STARD9: variants seen among roughly 807,000 people sequenced by gnomAD.
The protein encoded by STARD9 is StAR related lipid transfer domain containing 9.
Under a neutral mutation model 399.8 loss-of-function variants are expected in STARD9, and 346 were observed. The observed-to-expected ratio is 0.87, with a 90% CI of 0.79 to 0.95. STARD9 has a LOEUF of 0.95. STARD9 is among the 40% of genes least tolerant of loss of function. The pLI, the probability that STARD9 is intolerant of heterozygous loss-of-function variation, is 0.00. For missense variants in STARD9, 5,832 were observed against 5,667.5 expected, an observed-to-expected ratio of 1.03 and a Z score of -0.93; for synonymous variants, 2,203 against 2,143.5, an observed-to-expected ratio of 1.03 and a Z score of -0.77.
chr15:42,625,807 A>G (rs2059194915), intron 3 of STARD9, among the ~76,000 whole-genome samples: 1 of 152,064 alleles, frequency 6.6e-6, no homozygotes, highest in Non-Finnish European at 1.5e-5. Context: ...ATTTTGTTGA[A>G]TAACTAACCT....
chr15:42,576,370 C>G (rs1322857847), intron 1 of STARD9, among the ~76,000 whole-genome samples: 2 of 152,172 alleles, frequency 1.3e-5, no homozygotes, highest in African/African-American at 2.4e-5. Context: ...TATTTTGATT[C>G]CGCACCTCTC....
Position 42,682,404 on chromosome 15 carries a change from A to G in STARD9, c.2366A>G (p.Glu789Gly). ...CTGCTGGAGGCCCAGAAGAGACTGG[A>G]GAAGCTCACGACATTGTGCTGGCTC... ...QRLLEAQKRL[E>G]KLTTLCWLQD... Residue 789 changes from glutamate to glycine, a missense_variant, in exon 22 of 33, where the codon GAG (glutamate) becomes GGG (glycine). Transcript: ENST00000290607. 6.5e-7 allele frequency: 1 copy of G among 1,537,246 alleles called. No homozygotes were observed. The highest frequency in any genetic ancestry group is 8.7e-7 in the Non-Finnish European group (1 of 1,146,902).
intron 3 of STARD9, among the ~76,000 whole-genome samples, chr15:42,601,416 C>T (rs940301594): frequency 2.0e-5 from 3 of 151,602 alleles, no homozygotes; most frequent in Non-Finnish European, 4.4e-5. Flanking sequence ...GGCAGAGGGG[C>T]TCCTCACTTC....
At chr15:42,712,142 C>T (rs1342609703) in intron 26 of STARD9, among the ~76,000 whole-genome samples, 1 of 16,106 alleles carries the variant, frequency 6.2e-5, no homozygotes, top group Admixed American at 1.0e-3. Context: ...TGTGCCTTTG[C>T]CCATTTATAT....
rs1490779837 is a variant in STARD9, at chr15:42,685,210, A to G, written c.3632A>G (p.Glu1211Gly). Reference sequence around the variant, plus strand: ...TCCTTGGATAGCCTGATTGATGCAGAGGAAGAACTGGGGGAAGATCAGCAA... The same window carrying G: ...TCCTTGGATAGCCTGATTGATGCAGGGGAAGAACTGGGGGAAGATCAGCAA... ...SFSLDSLIDA[E>G]EELGEDQQEE... is the part of the protein sequence containing the mutation. Residue 1211 changes from glutamate (E) to glycine (G), a missense_variant, in exon 23 of 33, where the codon GAG becomes GGG. Transcript: ENST00000290607. 5.2e-6 allele frequency: 8 copies of G among 1,537,264 alleles called. No individual in the cohort carries two copies. The highest frequency in any genetic ancestry group is 2.7e-5 in the African/African-American group (2 of 73,166).
Position 42,682,545 on chromosome 15 carries a change from T to A in STARD9, c.2507T>A (p.Leu836His). The A allele has an allele frequency of 6.5e-7, 1 of 1,536,638 alleles. No homozygotes were observed. Among genetic ancestry groups the A allele is most frequent in the Non-Finnish European group, 8.7e-7 (1 of 1,146,550 alleles). ...TSCSSLSPQR[L>H]CSKHMPQLHS... is the part of the protein sequence containing the mutation. ...TGCAGTTCTTTGAGCCCCCAAAGAC[T>A]CTGCAGCAAGCACATGCCCCAGCTA... Residue 836 changes from leucine to histidine, a missense_variant, in exon 22 of 33, where the codon CTC becomes CAC. This residue lies in a region of STARD9 where 5,828 missense variants were observed against 5,651.1 expected (regional missense o/e 1.03). Coordinates refer to ENST00000290607, the MANE Select transcript of STARD9 (RefSeq NM_020759.3).
At chr15:42,582,986 A>G (rs955718475) in intron 1 of STARD9, among the ~76,000 whole-genome samples, 1 of 152,204 alleles carries the variant, frequency 6.6e-6, no homozygotes, top group Non-Finnish European at 1.5e-5. Flanking sequence ...AAGTTACATA[A>G]TTTCTCTCAG....
At chr15:42,652,699 AG>A in intron 9 of STARD9, 107 bp downstream of exon 9, 1 of 1,038,376 alleles carries the variant, frequency 9.6e-7, no homozygotes, top group Non-Finnish European at 1.4e-6. Flanking sequence ...TTTTTGAGAC[AG>A]GGTCTCAGTC....
Position 42,640,818 on chromosome 15 carries a change from C to CAAAAAAAAAAAAAAAAAAAAAAAAAAA in STARD9, c.559+2027_559+2028insAAAAAAAAAAAAAAAAAAAAAAAAAAA, listed in dbSNP as rs34006967. 2.4e-5 allele frequency among the ~76,000 whole-genome samples: 2 copies of CAAAAAAAAAAAAAAAAAAAAAAAAAAA among 83,620 alleles called. 1 individual carries two copies. The highest frequency in any genetic ancestry group is 4.2e-5 in the Non-Finnish European group (2 of 47,102). The allele number at this position is 83,620 out of a possible 152,430, so 54.9% of individuals were successfully genotyped here. A position where few individuals can be genotyped will look rare whatever the true frequency, so the allele number is the denominator to read the frequency against. On this transcript the variant is annotated intron_variant, in intron 7 of 32. Coordinates refer to ENST00000290607, the MANE Select transcript of STARD9 (RefSeq NM_020759.3). ...CTGGCAACAGAGCAAGACTCCGTCTCAAAAAAAAAAAAAAAAAAAAAGTCT... is the reference window on the plus strand; with the variant it reads ...CTGGCAACAGAGCAAGACTCCGTCTCAAAAAAAAAAAAAAAAAAAAAAAAAAAAAAAAAAAAAAAAAAAAAAAAGTCT...
rs2061420050 is a variant in STARD9, at chr15:42,719,827, G to A, written c.*253G>A. 3 of 417,198 alleles carry A rather than the reference G, an allele frequency of 7.2e-6. No homozygotes were observed. Among genetic ancestry groups the A allele is most frequent in the Non-Finnish European group, 1.3e-5 (3 of 234,138 alleles). The allele number at this position is 417,198 out of a possible 1,614,324, so 25.8% of individuals were successfully genotyped here. Reference sequence around the variant, plus strand: ...GACTATCCAGAGTGAATGCAGCTCCGCTCACCTTTTGGATTTCTCACCTTT... The same window carrying A: ...GACTATCCAGAGTGAATGCAGCTCCACTCACCTTTTGGATTTCTCACCTTT... On this transcript the variant is annotated 3_prime_UTR_variant, in exon 33 of 33. Transcript: ENST00000290607.
chr15:42,655,954 G>A lies in STARD9; in HGVS notation c.702+3362G>A, dbSNP rs182501865. Among the ~76,000 whole-genome samples, 51 of 152,142 alleles carry A rather than the reference G, an allele frequency of 3.4e-4. 1 individual carries two copies. Among genetic ancestry groups the A allele is most frequent in the South Asian group, 1.7e-3 (8 of 4,826 alleles). The stretch of plus-strand genomic sequence containing the variant: ...GTTCTCAAAAGAAGATATACAAATG[G>A]CAACAAACATAGGAAAAAAATGCTC... On this transcript the variant is annotated intron_variant, in intron 9 of 32. Transcript: ENST00000290607.
chr15:42,688,664 G>T lies in STARD9; in HGVS notation c.7086G>T (p.Leu2362=). 6.5e-7 allele frequency: 1 copy of T among 1,537,622 alleles called. No individual in the cohort carries two copies. The highest frequency in any genetic ancestry group is 8.7e-7 in the Non-Finnish European group (1 of 1,146,996). The change falls in exon 23 of 33, where the codon CTG becomes CTT. Residue 2362 remains leucine (L), a synonymous_variant. Coordinates refer to ENST00000290607, the MANE Select transcript of STARD9 (RefSeq NM_020759.3). ...ALGISSLDCV[L]DLTMLKIHNS... is the part of the protein sequence containing the mutation. ...GCATCTCTTCACTTGACTGTGTGCT[G>T]GATCTCACAATGTTGAAAATTCATA...
In STARD9 at chr15:42,693,932, C is replaced by T. The variant is rs1026109559; in HGVS notation, c.12354C>T (p.Phe4118=). 6.6e-7 allele frequency: 1 copy of T among 1,507,618 alleles called. No homozygotes were observed. Among genetic ancestry groups the T allele is most frequent in the African/African-American group, 1.4e-5 (1 of 72,372 alleles). 93.4% of individuals were successfully genotyped at this position (1,507,618 alleles called of 1,614,324 possible). A position where few individuals can be genotyped will look rare whatever the true frequency, so the allele number is the denominator to read the frequency against. Residue 4118 remains phenylalanine (F), a synonymous_variant, in exon 23 of 33, where the codon TTC becomes TTT. Transcript: ENST00000290607. ...QACQPEELLC[F]SCQMCMAPEH... Reference sequence around the variant, plus strand: ...GCCAACCTGAGGAGTTACTGTGCTTCAGTTGCCAGATGTGCATGGCCCCTG... The same window carrying T: ...GCCAACCTGAGGAGTTACTGTGCTTTAGTTGCCAGATGTGCATGGCCCCTG...
Position 42,581,058 on chromosome 15 carries a change from C to T in STARD9, c.48-2288C>T, listed in dbSNP as rs906040038. On this transcript the variant is annotated intron_variant, in intron 1 of 32. Coordinates refer to ENST00000290607, the MANE Select transcript of STARD9 (RefSeq NM_020759.3). ...CTCTTCTGTCTTTTCACTGTTGATC[C>T]TATTGGCCAAATCAGGTGCACACAG... 54 of 563,846 alleles carry T rather than the reference C, an allele frequency of 9.6e-5. No individual in the cohort carries two copies. In the African/African-American group the frequency reaches 1.0e-3, roughly 11 times the overall value. 34.9% of individuals were successfully genotyped at this position (563,846 alleles called of 1,614,324 possible).
chr15:42,690,379 C>T lies in STARD9; in HGVS notation c.8801C>T (p.Pro2934Leu). The change falls in exon 23 of 33, where the codon CCT (proline) becomes CTT (leucine). Residue 2934 changes from proline to leucine, a missense_variant. Pro to Leu is a moderately conservative substitution (Grantham distance 98, BLOSUM62 -3). Transcript: ENST00000290607. ...ALDGPVFSRN[P>L]EGSRTLSPSR... ...GATGGCCCTGTCTTCTCAAGGAACC[C>T]TGAAGGCAGCAGGACTCTCAGCCCG... 1 of 1,537,258 alleles carries T rather than the reference C, an allele frequency of 6.5e-7. No homozygotes were observed. The highest frequency in any genetic ancestry group is 2.4e-5 in the East Asian group (1 of 40,926).
intron 20 of STARD9, among the ~76,000 whole-genome samples, chr15:42,677,777 G>C (rs2060340752): frequency 6.6e-6 from 1 of 152,194 alleles, no homozygotes; most frequent in Non-Finnish European, 1.5e-5. Flanking sequence ...ATGATTGAAA[G>C]AGCGAGTATA....
At chr15:42,611,788 CTA>C (rs561980614) in intron 3 of STARD9, among the ~76,000 whole-genome samples, 148 of 152,226 alleles carry the variant, frequency 9.7e-4, no homozygotes, top group African/African-American at 3.3e-3. Flanking sequence ...GTCATTAAGG[CTA>C]TGTGGGGAAA....
chr15:42,577,831 A>C (rs1381603496), intron 1 of STARD9, among the ~76,000 whole-genome samples: 1 of 152,216 alleles, frequency 6.6e-6, no homozygotes, highest in East Asian at 1.9e-4. Context: ...TCTGGTGATT[A>C]TGTGGTTTGT....
chr15:42,682,343 T>C lies in STARD9; in HGVS notation c.2305T>C (p.Ser769Pro), dbSNP rs2060448649. The change falls in exon 22 of 33, where the codon TCA (serine) becomes CCA (proline). Residue 769 changes from serine (S) to proline (P), a missense_variant. This residue lies in a region of STARD9 where 5,828 missense variants were observed against 5,651.1 expected (regional missense o/e 1.03). Transcript: ENST00000290607. ...GCGGAATGTCCGGCGGAAAAAGGTC[T>C]CATTCCAGCTAGAGAGAATCATCAA... is the stretch of plus-strand genomic sequence containing the variant. Reference protein sequence around the residue: ...AERNVRRKKVSFQLERIIKKQ... With the variant: ...AERNVRRKKVPFQLERIIKKQ... The C allele has an allele frequency of 7.2e-6, 11 of 1,537,246 alleles. No individual in the cohort carries two copies. The highest frequency in any genetic ancestry group is 8.7e-6 in the Non-Finnish European group (10 of 1,146,888).
Sources: allele counts gnomAD v4.1 joint callset (sites outside exome capture counted in the v4.1 genomes callset), GRCh38; gene constraint gnomAD v4.1.1; regional missense constraint gnomAD v4.1.1; transcripts MANE v1.5; gene names NCBI Gene and HGNC (gene_info 2026-07-23, HGNC 2026-07-21).